The following GALNT16 variants were observed in gnomAD, a reference collection of about 807,000 sequenced individuals.
The protein encoded by GALNT16 is polypeptide N-acetylgalactosaminyltransferase 16.
Under a neutral mutation model 76.1 loss-of-function variants are expected in GALNT16, and 40 were observed. The observed-to-expected ratio is 0.53, with a 90% CI of 0.41 to 0.68. The LOEUF is 0.68. Among genes scored for constraint, GALNT16 ranks in the 30% least tolerant of loss-of-function variants. GALNT16 has a pLI of 0.00. For synonymous variants in GALNT16, 276 were observed against 285.2 expected (o/e 0.97, Z 0.32); for missense variants, 621 against 731.9 (o/e 0.85, Z 1.75).
chr14:69,335,709 A>C (rs2045407342), intron 9 of GALNT16, among the ~76,000 whole-genome samples: 1 of 152,184 alleles, frequency 6.6e-6, no homozygotes, highest in Admixed American at 6.5e-5. Flanking sequence ...TGCAGTGCTC[A>C]GACGTTCAGC....
chr14:69,295,737 T>G (rs1411007768), intron 1 of GALNT16, among the ~76,000 whole-genome samples: 3 of 152,070 alleles, frequency 2.0e-5, no homozygotes, highest in Non-Finnish European at 4.4e-5. Context: ...ATTAAAAAAT[T>G]AACATTAACA....
chr14:69,382,254 A>T, the GALNT16 span, among the ~76,000 whole-genome samples: 1 of 152,270 alleles, frequency 6.6e-6, no homozygotes, highest in East Asian at 1.9e-4. Flanking sequence ...TCCCATTTTT[A>T]AAAATGCTTA....
Position 69,352,035 on chromosome 14 carries a change from G to A in GALNT16, c.1544G>A (p.Trp515Ter). 6.2e-7 allele frequency: 1 copy of A among 1,610,994 alleles called. No homozygotes were observed. Among genetic ancestry groups the A allele is most frequent in the Non-Finnish European group, 8.5e-7 (1 of 1,178,462 alleles). The change falls in exon 15 of 15, where the codon TGG (tryptophan) becomes TAG (stop). Residue 515 changes from tryptophan to a stop codon, truncating the protein, a stop_gained. Coordinates refer to ENST00000448469, the MANE Select transcript of GALNT16 (RefSeq NM_001168368.2). LOFTEE classifies it high-confidence loss of function. ...MCNPREGKQK[W>*]RRKGSFIQHS... Reference sequence around the variant, plus strand: ...ACCCATCTCTGTTCCTCCTAGAAATGGAGGAGAAAAGGATCTTTCATCCAG... The same window carrying A: ...ACCCATCTCTGTTCCTCCTAGAAATAGAGGAGAAAAGGATCTTTCATCCAG...
At chr14:69,383,217 C>T in the GALNT16 span, among the ~76,000 whole-genome samples, 1 of 152,292 alleles carries the variant, frequency 6.6e-6, no homozygotes, top group East Asian at 1.9e-4. Flanking sequence ...ATACGAAATA[C>T]AAATTTTCAT....
At chr14:69,348,978 C>T (rs1270880951) in intron 14 of GALNT16, 1 of 152,326 alleles carries the variant, frequency 6.6e-6, no homozygotes, top group East Asian at 1.9e-4. Context: ...GCCTGGGTCT[C>T]TGATTTGGCC....
chr14:69,275,694 A>C (rs1216997468), intron 1 of GALNT16, among the ~76,000 whole-genome samples: 1 of 152,206 alleles, frequency 6.6e-6, no homozygotes, highest in Non-Finnish European at 1.5e-5. Context: ...CTGTCTCTAC[A>C]AAAATTTGTT....
intron 1 of GALNT16, among the ~76,000 whole-genome samples, chr14:69,307,892 C>T (rs939088315): frequency 7.2e-5 from 11 of 152,216 alleles, no homozygotes; most frequent in African/African-American, 2.6e-4. Context: ...TCGGCCCCCA[C>T]CCCCAGTCCC....
chr14:69,307,872 G>C (rs757955172), intron 1 of GALNT16, among the ~76,000 whole-genome samples: 5 of 152,178 alleles, frequency 3.3e-5, no homozygotes, highest in Non-Finnish European at 7.3e-5. Context: ...GTGAGGAAAG[G>C]CTTGGCTTCT....
intron 12 of GALNT16, among the ~76,000 whole-genome samples, chr14:69,342,470 A>AAGGAAGGGAGGAAGGCAGGG (rs1310119875): frequency 3.7e-5 from 1 of 27,200 alleles, no homozygotes; most frequent in Non-Finnish European, 9.0e-5. Flanking sequence ...TGGAAGAAGG[A>AAGGAAGGGAGGAAGGCAGGG]AGGAAGGGAG....
In GALNT16 at chr14:69,283,225, GATCCACAA is replaced by G. The variant is rs142185763; in HGVS notation, c.177+22761_177+22768del. ...AAAGACACTATGGACACATTAGTACGATCCACAAATGATGGATCACTAATGTCAGTCAC... is the reference window on the plus strand; with the variant it reads ...AAAGACACTATGGACACATTAGTACGATGATGGATCACTAATGTCAGTCAC... On this transcript the variant is annotated intron_variant, in intron 1 of 14. Transcript: ENST00000448469. 9.2e-4 allele frequency among the ~76,000 whole-genome samples: 140 copies of G among 152,318 alleles called. 2 individuals are homozygous for G. In the East Asian group the frequency reaches 0.024, roughly 26 times the overall value.
intron 12 of GALNT16, among the ~76,000 whole-genome samples, chr14:69,343,800 C>T (rs530840441): frequency 6.6e-6 from 1 of 152,272 alleles, no homozygotes; most frequent in East Asian, 1.9e-4. Context: ...TCTGATGACA[C>T]CCCCAAGGAC....
Position 69,338,638 on chromosome 14 carries a change from C to CT in GALNT16, c.968-12dup, listed in dbSNP as rs756047816. 1 of 1,611,292 alleles carries CT rather than the reference C, an allele frequency of 6.2e-7. No individual in the cohort carries two copies. Among genetic ancestry groups the CT allele is most frequent in the Non-Finnish European group, 8.5e-7 (1 of 1,178,038 alleles). On this transcript the variant is annotated splice_polypyrimidine_tract_variant and intron_variant, in intron 9 of 14. Coordinates refer to ENST00000448469, the MANE Select transcript of GALNT16 (RefSeq NM_001168368.2). ...AACCCCTTCCTCCTCCTGACGGCTA[C>CT]TATTTCCTGCAGAGCTCTCCTTCAG...
At chr14:69,277,366 T>TTC (rs2044485097) in intron 1 of GALNT16, among the ~76,000 whole-genome samples, 1 of 152,156 alleles carries the variant, frequency 6.6e-6, no homozygotes, top group Non-Finnish European at 1.5e-5. Context: ...ATGCTATCCC[T>TTC]CCCTGCTCCC....
chr14:69,315,387 A>G lies in GALNT16; in HGVS notation c.178-5324A>G, dbSNP rs1444417929. Among the ~76,000 whole-genome samples, 5 of 152,250 alleles carry G rather than the reference A, an allele frequency of 3.3e-5. No homozygotes were observed. In the East Asian group the frequency reaches 9.6e-4, roughly 29 times the overall value. ...TGGGGAGGGAGGCAACTGTCTAAAC[A>G]TCAGCCAAGAACTCTCAGCAGGAGG... On this transcript the variant is annotated intron_variant, in intron 1 of 14. Coordinates refer to ENST00000448469, the MANE Select transcript of GALNT16 (RefSeq NM_001168368.2).
chr14:69,383,780 T>G, the GALNT16 span, among the ~76,000 whole-genome samples: 1 of 152,224 alleles, frequency 6.6e-6, no homozygotes, highest in Non-Finnish European at 1.5e-5. Flanking sequence ...TTTCCCCCTA[T>G]GTTGCTTTAA....
chr14:69,384,402 G>A, the GALNT16 span, among the ~76,000 whole-genome samples: 1 of 152,194 alleles, frequency 6.6e-6, no homozygotes, highest in Non-Finnish European at 1.5e-5. Flanking sequence ...GTCAAAGGGA[G>A]CTAGCAAATG....
chr14:69,316,754 G>A (rs1366316830), intron 1 of GALNT16, among the ~76,000 whole-genome samples: 1 of 119,088 alleles, frequency 8.4e-6, no homozygotes, highest in Non-Finnish European at 1.7e-5. Flanking sequence ...GCCATTGTGA[G>A]CTTGGGGGCT....
At chr14:69,262,562 G>A (rs2044290387) in intron 1 of GALNT16, among the ~76,000 whole-genome samples, 1 of 152,192 alleles carries the variant, frequency 6.6e-6, no homozygotes, top group Admixed American at 6.5e-5. Flanking sequence ...GAGTATCAGG[G>A]AGATACCTGG....
At chr14:69,363,361 C>G in the GALNT16 span, among the ~76,000 whole-genome samples, 5 of 152,164 alleles carry the variant, frequency 3.3e-5, no homozygotes, top group Non-Finnish European at 5.9e-5. Context: ...ATTCGGTCTG[C>G]CCAGCAGAGG....
Sources: gnomAD v4.1 joint callset for allele counts (sites outside exome capture counted in the v4.1 genomes callset) on GRCh38, gnomAD v4.1.1 for gene constraint, MANE v1.5 for transcripts, NCBI Gene and HGNC (gene_info 2026-07-23, HGNC 2026-07-21) for gene names.